The following MALRD1 variants were observed in gnomAD, a reference collection of about 807,000 sequenced individuals.
MALRD1 encodes MAM and LDL-receptor class A domain-containing protein 1.
MALRD1 carries 247 observed loss-of-function variants against 242.1 expected under a neutral mutation model. That is an observed-to-expected ratio of 1.02 (90% CI 0.92 to 1.13). The LOEUF (loss-of-function observed/expected upper bound fraction) is 1.13. Ranked by LOEUF, MALRD1 falls within the 50% of genes most tolerant of loss-of-function variation. The pLI is 0.00. For synonymous variants in MALRD1, 995 were observed against 866.6 expected, an observed-to-expected ratio of 1.15 and a Z score of -2.60; for missense variants, 2,989 against 2,533.1, an observed-to-expected ratio of 1.18 and a Z score of -3.86.
At chr10:19,619,121 A>C (rs1239869617) in intron 36 of MALRD1, among the ~76,000 whole-genome samples, 1 of 152,068 alleles carries the variant, frequency 6.6e-6, no homozygotes, top group African/African-American at 2.4e-5. Context: ...GTTCTAAAAG[A>C]CCAGTTTTCT....
intron 32 of MALRD1, among the ~76,000 whole-genome samples, chr10:19,560,565 A>G (rs1835918528): frequency 6.6e-6 from 1 of 152,246 alleles, no homozygotes. Context: ...ACCAACCCAA[A>G]TGCCCATCAA....
chr10:19,516,711 T>C (rs1463870767), intron 31 of MALRD1, among the ~76,000 whole-genome samples: 2 of 132,878 alleles, frequency 1.5e-5, no homozygotes, highest in Non-Finnish European at 3.0e-5. Context: ...CTCCCTCCCT[T>C]GCTTACCTCC....
chr10:19,304,138 T>C (rs900387440), intron 21 of MALRD1, among the ~76,000 whole-genome samples: 2 of 151,676 alleles, frequency 1.3e-5, no homozygotes, highest in African/African-American at 2.4e-5. Flanking sequence ...ACCATTCAAT[T>C]CGTTGAGGAA....
rs1039327219 is a variant in MALRD1 at position 19,583,302 on chromosome 10, A to C, written c.5681-11892A>C. 6.1e-5 allele frequency among the ~76,000 whole-genome samples: 9 copies of C among 148,448 alleles called. No homozygotes were observed. In the South Asian group the frequency reaches 6.4e-4, roughly 11 times the overall value. On this transcript the variant is annotated intron_variant, in intron 33 of 39. Coordinates refer to ENST00000454679, the MANE Select transcript of MALRD1 (RefSeq NM_001142308.3). ...AGAGAGGGCATCCCTGTCTTGTGCC[A>C]GTTTTCAAAGGGAATGCTTCCAGTT...
intron 7 of MALRD1, among the ~76,000 whole-genome samples, chr10:19,127,100 T>G (rs1837306357): frequency 6.6e-6 from 1 of 152,222 alleles, no homozygotes; most frequent in Non-Finnish European, 1.5e-5. Flanking sequence ...TTCCTTTTTA[T>G]GGATGCATAG....
chr10:19,613,241 A>T (rs529929979), intron 35 of MALRD1, among the ~76,000 whole-genome samples: 2 of 151,950 alleles, frequency 1.3e-5, no homozygotes, highest in Non-Finnish European at 2.9e-5. Flanking sequence ...AAAGACCACA[A>T]ATCTTTATCT....
intron 29 of MALRD1, among the ~76,000 whole-genome samples, chr10:19,471,812 G>A (rs1006932576): frequency 2.0e-5 from 3 of 151,548 alleles, no homozygotes; most frequent in Non-Finnish European, 4.4e-5. Context: ...AATTCTAACA[G>A]GGTTTTCTTT....
chr10:19,573,938 T>C (rs1207639345), intron 33 of MALRD1, among the ~76,000 whole-genome samples: 1 of 152,124 alleles, frequency 6.6e-6, no homozygotes, highest in East Asian at 1.9e-4. Context: ...TGTTATTGAA[T>C]TGAAAGAAAA....
chr10:19,288,604 G>A (rs1841254808), intron 21 of MALRD1, among the ~76,000 whole-genome samples: 2 of 151,650 alleles, frequency 1.3e-5, no homozygotes, highest in African/African-American at 2.4e-5. Flanking sequence ...ATTTATTTTG[G>A]TATCTTCTCT....
intron 38 of MALRD1, among the ~76,000 whole-genome samples, chr10:19,718,412 G>A (rs754852695): frequency 2.2e-4 from 33 of 152,154 alleles, no homozygotes; most frequent in Admixed American, 3.3e-4. Context: ...AGCACATCAC[G>A]TAGCAAGAGC....
intron 38 of MALRD1, among the ~76,000 whole-genome samples, chr10:19,700,965 T>C (rs994480095): frequency 6.6e-6 from 1 of 151,988 alleles, no homozygotes; most frequent in African/African-American, 2.4e-5. Flanking sequence ...CTGGGCAACA[T>C]AGCAAAACCC....
At chr10:19,284,090 G>C (rs897150163) in intron 21 of MALRD1, among the ~76,000 whole-genome samples, 4 of 152,204 alleles carry the variant, frequency 2.6e-5, no homozygotes, top group Middle Eastern at 3.2e-3. Flanking sequence ...AGGAAGACCA[G>C]CATGGCTGGG....
chr10:19,177,278 CAA>C (rs34742551), intron 14 of MALRD1, among the ~76,000 whole-genome samples: 19 of 113,982 alleles, frequency 1.7e-4, no homozygotes, highest in Admixed American at 2.6e-4. Context: ...AGATTCCTCT[CAA>C]AAAAAAAAAA....
intron 28 of MALRD1, among the ~76,000 whole-genome samples, chr10:19,432,678 A>T (rs948230019): frequency 6.6e-6 from 1 of 152,242 alleles, no homozygotes; most frequent in Non-Finnish European, 1.5e-5. Context: ...GAAAGGTGCT[A>T]TAAAAAAGCA....
At chr10:19,400,633 A>C (rs4421657) in intron 28 of MALRD1, among the ~76,000 whole-genome samples, 113,113 of 152,108 alleles carry the variant, frequency 0.74, 43,114 homozygotes, top group Non-Finnish European at 0.83. Context: ...TAAGAATTAA[A>C]AAGCTACTGA....
chr10:19,203,145 C>G (rs747535890), intron 14 of MALRD1, among the ~76,000 whole-genome samples: 2 of 151,836 alleles, frequency 1.3e-5, no homozygotes, highest in Non-Finnish European at 2.9e-5. Context: ...TCCAAAATAT[C>G]TCTGTGGAAT....
At chr10:19,665,830 T>C (rs1419674012) in intron 36 of MALRD1, among the ~76,000 whole-genome samples, 1 of 152,132 alleles carries the variant, frequency 6.6e-6, no homozygotes. Flanking sequence ...GTCCCTTGGA[T>C]CTCCGGCTCT....
intron 2 of MALRD1, among the ~76,000 whole-genome samples, chr10:19,079,585 G>A (rs924262935): frequency 6.6e-6 from 1 of 151,902 alleles, no homozygotes; most frequent in African/African-American, 2.4e-5. Context: ...GAATATTAGA[G>A]TCTCCAACTA....
At chr10:19,617,597 T>A (rs1839218824) in intron 36 of MALRD1, among the ~76,000 whole-genome samples, 1 of 152,036 alleles carries the variant, frequency 6.6e-6, no homozygotes, top group South Asian at 2.1e-4. Context: ...GTCATGAGTC[T>A]TTTTAAAATA....
Sources: gnomAD v4.1 joint callset for allele counts (sites outside exome capture counted in the v4.1 genomes callset) on GRCh38, gnomAD v4.1.1 for gene constraint, MANE v1.5 for transcripts, NCBI Gene and HGNC (gene_info 2026-07-23, HGNC 2026-07-21) for gene names.